The following PPWD1 variants were observed in gnomAD, a reference collection of about 807,000 sequenced individuals.
PPWD1 encodes the protein peptidylprolyl isomerase domain and WD repeat-containing protein 1.
Under a neutral mutation model 68.8 loss-of-function variants are expected in PPWD1, and 43 were observed. The ratio of observed to expected loss-of-function variants is 0.62; its 90% confidence interval spans 0.49 to 0.81. PPWD1 has a LOEUF of 0.81. PPWD1 is among the 30% of genes least tolerant of loss of function. The probability of loss-of-function intolerance (pLI) is 0.00; values close to 1 mark genes in which losing one functional copy is unlikely to be tolerated. For missense variants in PPWD1, 672 were observed against 804.8 expected, an observed-to-expected ratio of 0.83 and a Z score of 2.00; for synonymous variants, 232 against 258.7, an observed-to-expected ratio of 0.90 and a Z score of 0.99.
At position 65,563,525 on chromosome 5, in the gene PPWD1, C is replaced by A. The variant is rs767494986; in HGVS notation, c.196+19C>A. ...AGGAAAGGTAGCTGCAGACATAGTA[C>A]CGGGACGAATTGGAGTGCTGCGTCC... On this transcript the variant is annotated intron_variant, in intron 1 of 10. Transcript: ENST00000261308. 2.5e-6 allele frequency: 4 copies of A among 1,597,968 alleles called. No individual in the cohort carries two copies. Among genetic ancestry groups the A allele is most frequent in the Non-Finnish European group, 3.4e-6 (4 of 1,172,640 alleles).
intron 2 of PPWD1, chr5:65,569,337 G>C (rs1187551355): frequency 3.6e-6 from 1 of 274,306 alleles, no homozygotes; most frequent in African/African-American, 2.3e-5. Flanking sequence ...TAGCAATAAG[G>C]AATCCAAAGT....
Position 65,573,475 on chromosome 5 carries a change from A to ATT in PPWD1, c.969+1198_969+1199dup, listed in dbSNP as rs71728896. Among the ~76,000 whole-genome samples the ATT allele has an allele frequency of 2.6e-3, 173 of 67,760 alleles. 1 individual carries two copies. Among genetic ancestry groups the ATT allele is most frequent in the Admixed American group, 3.3e-3 (22 of 6,600 alleles). 44.5% of individuals were successfully genotyped at this position (67,760 alleles called of 152,430 possible). ...ACTTAGCTAATATATATATATATAT[A>ATT]TTTTTTTTTTATTAGAGATGGGTTT... is the stretch of plus-strand genomic sequence containing the variant. On this transcript the variant is annotated intron_variant, in intron 5 of 10. Transcript: ENST00000261308.
chr5:65,573,339 AC>A (rs2150596034), intron 5 of PPWD1, among the ~76,000 whole-genome samples: 1 of 147,910 alleles, frequency 6.8e-6, no homozygotes, highest in African/African-American at 2.5e-5. Flanking sequence ...ACAGAGTTGC[AC>A]TTGAGTGCAG....
chr5:65,571,940 G>T lies in PPWD1; in HGVS notation c.623G>T (p.Gly208Val). The change falls in exon 5 of 11, where the codon GGC (glycine) becomes GTC (valine). Residue 208 changes from glycine (G) to valine (V), a missense_variant. Transcript: ENST00000261308. The stretch of plus-strand genomic sequence containing the variant: ...ACAGGAAAAATTTTCATTTATGATG[G>T]CCGAGGAGATAACCAGCCACTTCAT... ...KSTGKIFIYD[G>V]RGDNQPLHIF... The T allele has an allele frequency of 6.2e-7, 1 of 1,614,022 alleles. No individual in the cohort carries two copies. The highest frequency in any genetic ancestry group is 8.5e-7 in the Non-Finnish European group (1 of 1,179,964).
At chr5:65,580,516 G>A (rs940341828) in intron 7 of PPWD1, among the ~76,000 whole-genome samples, 2 of 152,078 alleles carry the variant, frequency 1.3e-5, no homozygotes, top group Non-Finnish European at 2.9e-5. Context: ...CAGTTTGGAA[G>A]CCCCTCTGTT....
chr5:65,565,850 G>GA lies in PPWD1; in HGVS notation c.197-1656dup, dbSNP rs911084324. Reference sequence around the variant, plus strand: ...AAGCCAATAGTTTATTCAGTTTGAAGAAAAAAATTGAAACTAAAAAACATA... The same window carrying GA: ...AAGCCAATAGTTTATTCAGTTTGAAGAAAAAAAATTGAAACTAAAAAACATA... On this transcript the variant is annotated intron_variant, in intron 1 of 10. Coordinates refer to ENST00000261308, the MANE Select transcript of PPWD1 (RefSeq NM_015342.4). Among the ~76,000 whole-genome samples the GA allele has an allele frequency of 4.1e-5, 6 of 146,010 alleles. No individual in the cohort carries two copies. The East Asian group carries it at 9.8e-4, about 24-fold the overall frequency.
intron 7 of PPWD1, 108 bp from the exon 8 acceptor site, chr5:65,582,930 T>G (rs953805754): frequency 1.5e-6 from 2 of 1,339,722 alleles, no homozygotes. Flanking sequence ...GATTCTGATG[T>G]GAATTCTTAC....
intron 5 of PPWD1, among the ~76,000 whole-genome samples, chr5:65,572,517 GTTATT>G (rs1753064144): frequency 6.6e-6 from 1 of 152,048 alleles, no homozygotes; most frequent in Non-Finnish European, 1.5e-5. Context: ...TATTTTTGTG[GTTATT>G]TTGTTTTTTA....
At chr5:65,584,414 A>G (rs1287691484) in intron 8 of PPWD1, among the ~76,000 whole-genome samples, 1 of 152,206 alleles carries the variant, frequency 6.6e-6, no homozygotes, top group Non-Finnish European at 1.5e-5. Context: ...TTAAAGTTGA[A>G]TAAATTTAGA....
At chr5:65,565,606 A>G (rs1752712328) in intron 1 of PPWD1, among the ~76,000 whole-genome samples, 3 of 151,894 alleles carry the variant, frequency 2.0e-5, no homozygotes, top group African/African-American at 7.2e-5. Flanking sequence ...GTTCTAGACC[A>G]GCCTGACCAA....
chr5:65,587,470 G>T lies in PPWD1; in HGVS notation c.*74G>T. The T allele has an allele frequency of 8.4e-7, 1 of 1,189,110 alleles. No homozygotes were observed. Among genetic ancestry groups the T allele is most frequent in the Non-Finnish European group, 1.1e-6 (1 of 874,950 alleles). The allele number at this position is 1,189,110 out of a possible 1,614,324, so 73.7% of individuals were successfully genotyped here. On this transcript the variant is annotated 3_prime_UTR_variant, in exon 11 of 11. Transcript: ENST00000261308. ...AGATTATTTTACATTAGGAAGCTTA[G>T]GACTTGCTGAATATACAGATCATGT...
intron 8 of PPWD1, 119 bp from the exon 9 acceptor site, chr5:65,584,895 G>C: frequency 8.0e-7 from 1 of 1,256,558 alleles, no homozygotes; most frequent in South Asian, 1.9e-5. Context: ...AAAAACAACT[G>C]TCCTTCTGAA....
chr5:65,563,853 T>C, intron 1 of PPWD1: 2 of 1,477,736 alleles, frequency 1.4e-6, no homozygotes, highest in African/African-American at 1.4e-5. Context: ...TGCAAAAGGG[T>C]ACCAGTTCTC....
intron 7 of PPWD1, among the ~76,000 whole-genome samples, chr5:65,581,207 C>A (rs559329499): frequency 6.6e-6 from 1 of 152,128 alleles, no homozygotes; most frequent in South Asian, 2.1e-4. Context: ...AAAATTATTA[C>A]TAAAAATTTA....
intron 5 of PPWD1, among the ~76,000 whole-genome samples, chr5:65,574,938 A>G (rs1753217112): frequency 6.6e-6 from 1 of 152,258 alleles, no homozygotes; most frequent in Non-Finnish European, 1.5e-5. Context: ...ACCATCAGTT[A>G]AATTACTTAC....
intron 7 of PPWD1, among the ~76,000 whole-genome samples, chr5:65,580,725 G>A (rs1753557616): frequency 6.6e-6 from 1 of 152,098 alleles, no homozygotes; most frequent in Admixed American, 6.5e-5. Flanking sequence ...TGTTGGCCAG[G>A]CTGGTCTCGA....
At chr5:65,567,671 G>A in intron 2 of PPWD1, 56 bp downstream of exon 2, 17 of 994,908 alleles carry the variant, frequency 1.7e-5, no homozygotes, top group Non-Finnish European at 2.3e-5. Flanking sequence ...AAAAAAAAAA[G>A]CTTCAATTTT....
chr5:65,576,272 T>C (rs1011986404), intron 5 of PPWD1: 2 of 974,704 alleles, frequency 2.1e-6, no homozygotes, highest in African/African-American at 3.5e-5. Flanking sequence ...CTCTGTGACT[T>C]TTAAAAGGCA....
chr5:65,567,676 A>C, intron 2 of PPWD1, 61 bp downstream of exon 2: 2 of 1,471,376 alleles, frequency 1.4e-6, no homozygotes, highest in Non-Finnish European at 1.8e-6. Flanking sequence ...AAAAAGCTTC[A>C]ATTTTGAGGT....
Sources: gnomAD v4.1 joint callset for allele counts (sites outside exome capture counted in the v4.1 genomes callset) on GRCh38, gnomAD v4.1.1 for gene constraint, MANE v1.5 for transcripts, NCBI Gene and HGNC (gene_info 2026-07-23, HGNC 2026-07-21) for gene names.